The following CLEC4A variants were observed in gnomAD, a reference collection of about 807,000 sequenced individuals.
The protein encoded by CLEC4A is C-type (calcium dependent, carbohydrate-recognition domain) lectin, superfamily member 6.
Under a neutral mutation model 32.7 loss-of-function variants are expected in CLEC4A, and 27 were observed. The observed-to-expected ratio is 0.83, with a 90% confidence interval of 0.61 to 1.14. CLEC4A has a LOEUF of 1.14. Ranked by LOEUF, CLEC4A falls within the 50% of genes most tolerant of loss-of-function variation. The pLI, the probability that CLEC4A is intolerant of heterozygous loss-of-function variation, is 0.00. For synonymous variants in CLEC4A, 89 were observed against 93.7 expected (o/e 0.95, Z 0.29); for missense variants, 253 against 274.6 (o/e 0.92, Z 0.55).
At chr12:8,129,408 A>G in intron 3 of CLEC4A, 46 bp downstream of exon 3, 1 of 1,187,130 alleles carries the variant, frequency 8.4e-7, no homozygotes, top group Non-Finnish European at 1.2e-6. Flanking sequence ...TGTACTATGT[A>G]AGGATCCCAA....
chr12:8,136,897 G>A lies in CLEC4A; in HGVS notation c.560G>A (p.Ser187Asn), dbSNP rs1317557383. ...QWVDQTPYNE[S>N]STFWHPREPS... ...GTTGATCAGACACCATACAATGAAA[G>A]TTCCACGTGAGTATAGAATGAGATA... The change falls in exon 5 of 6, where the codon AGT (serine) becomes AAT (asparagine). Residue 187 changes from serine to asparagine, a missense_variant. By Grantham distance (46) the Ser-to-Asn change is conservative. Coordinates refer to ENST00000229332, the MANE Select transcript of CLEC4A (RefSeq NM_016184.4). The A allele has an allele frequency of 1.9e-6, 3 of 1,605,812 alleles. No individual in the cohort carries two copies. The highest frequency in any genetic ancestry group is 2.6e-6 in the Non-Finnish European group (3 of 1,172,718).
At chr12:8,134,629 A>G (rs1459781702) in intron 3 of CLEC4A, 5 of 1,609,366 alleles carry the variant, frequency 3.1e-6, no homozygotes, top group Non-Finnish European at 3.4e-6. Flanking sequence ...GGCCCACAGT[A>G]CGCCATCCCC....
chr12:8,115,098 C>CT, the CLEC4A span, among the ~76,000 whole-genome samples: 1 of 152,188 alleles, frequency 6.6e-6, no homozygotes, highest in Admixed American at 6.5e-5. Flanking sequence ...TGCAGACTGT[C>CT]TGTCTACCTG....
At chr12:8,111,505 C>T in the CLEC4A span, among the ~76,000 whole-genome samples, 19 of 152,226 alleles carry the variant, frequency 1.2e-4, no homozygotes, top group African/African-American at 4.3e-4. Context: ...AAAGCATTCT[C>T]TCTCTGTGTG....
the CLEC4A span, among the ~76,000 whole-genome samples, chr12:8,103,514 T>C: frequency 1.3e-5 from 2 of 150,616 alleles, no homozygotes; most frequent in Non-Finnish European, 3.0e-5. Flanking sequence ...GCCTCCCGAG[T>C]AGCTGGGACT....
chr12:8,135,566 G>A lies in CLEC4A; in HGVS notation c.299-19G>A. 1 of 1,613,026 alleles carries A rather than the reference G, an allele frequency of 6.2e-7. No individual in the cohort carries two copies. Among genetic ancestry groups the A allele is most frequent in the Non-Finnish European group, 8.5e-7 (1 of 1,179,308 alleles). On this transcript the variant is annotated intron_variant, in intron 3 of 5. Transcript: ENST00000229332. ...GTGATTATTTATATTGCACGTATGT[G>A]CCCCTCTTCCCAATACAGAGACAGC...
At chr12:8,103,210 A>G in the CLEC4A span, among the ~76,000 whole-genome samples, 1 of 152,036 alleles carries the variant, frequency 6.6e-6, no homozygotes, top group Admixed American at 6.6e-5. Context: ...TTTGTGAAAC[A>G]AAGCTCTGCT....
At chr12:8,109,051 C>T in the CLEC4A span, among the ~76,000 whole-genome samples, 30 of 152,178 alleles carry the variant, frequency 2.0e-4, no homozygotes, top group African/African-American at 7.0e-4. Flanking sequence ...TGCTCAGACT[C>T]CTGGTGGCAG....
intron 3 of CLEC4A, chr12:8,134,977 TTGTTTTTTG>T (rs1307754585): frequency 1.6e-5 from 5 of 303,458 alleles, no homozygotes; most frequent in Non-Finnish European, 2.5e-5. Flanking sequence ...TGAAGCGTTT[TTGTTTTTTG>T]TTTTTTTTTA....
At chr12:8,128,412 CT>C (rs71042335) in intron 2 of CLEC4A, among the ~76,000 whole-genome samples, 104,302 of 134,362 alleles carry the variant, frequency 0.78, 41,621 homozygotes, top group East Asian at 0.91. Flanking sequence ...AGTTCAATTT[CT>C]TTTTTTTTTT....
At chr12:8,107,771 CT>C in the CLEC4A span, among the ~76,000 whole-genome samples, 16,720 of 140,072 alleles carry the variant, frequency 0.12, 1,272 homozygotes, top group East Asian at 0.42. Flanking sequence ...CGATCTTCTG[CT>C]TTTTTTTTTT....
At position 8,123,751 on chromosome 12, in the gene CLEC4A, C is replaced by G; in HGVS notation, c.-128C>G. On this transcript the variant is annotated 5_prime_UTR_variant, in exon 1 of 6. Transcript: ENST00000229332. Reference sequence around the variant, plus strand: ...TTGAGGATATGTGCCTATCTGGTGCCTCTGCTCTCCACTAGTTGAGTGAAA... The same window carrying G: ...TTGAGGATATGTGCCTATCTGGTGCGTCTGCTCTCCACTAGTTGAGTGAAA... 1 of 653,564 alleles carries G rather than the reference C, an allele frequency of 1.5e-6. No homozygotes were observed. The highest frequency in any genetic ancestry group is 2.7e-6 in the Non-Finnish European group (1 of 363,998). The allele number at this position is 653,564 out of a possible 1,614,324, so 40.5% of individuals were successfully genotyped here.
upstream of CLEC4A, among the ~76,000 whole-genome samples, chr12:8,120,660 A>G (rs1225400422): frequency 1.6e-5 from 2 of 121,592 alleles, no homozygotes; most frequent in East Asian, 4.6e-4. Flanking sequence ...AAATAAATGT[A>G]AATAGATGTT....
the CLEC4A span, among the ~76,000 whole-genome samples, chr12:8,113,046 C>T: frequency 3.3e-5 from 5 of 151,950 alleles, no homozygotes; most frequent in Admixed American, 6.5e-5. Flanking sequence ...ATACATGTGA[C>T]ATGTTGGTGT....
chr12:8,134,979 G>GTTTGTTTTTT lies in CLEC4A; in HGVS notation c.299-603_299-602insGTTTTTTTTT, dbSNP rs1948073595. 3.2e-4 allele frequency: 53 copies of GTTTGTTTTTT among 165,986 alleles called. 2 individuals are homozygous for GTTTGTTTTTT. Among genetic ancestry groups the GTTTGTTTTTT allele is most frequent in the Admixed American group, 2.5e-4 (1 of 3,956 alleles). The allele number at this position is 165,986 out of a possible 1,614,324, so 10.3% of individuals were successfully genotyped here. A position where few individuals can be genotyped will look rare whatever the true frequency, so the allele number is the denominator to read the frequency against. ...TGTATCTTCTTGTTGAAGCGTTTTT[G>GTTTGTTTTTT]TTTTTTGTTTTTTTTTAATCATGGC... On this transcript the variant is annotated intron_variant, in intron 3 of 5. Coordinates refer to ENST00000229332, the MANE Select transcript of CLEC4A (RefSeq NM_016184.4).
intron 4 of CLEC4A, 71 bp downstream of exon 4, chr12:8,135,807 G>A (rs17728942): frequency 0.14 from 207,037 of 1,515,096 alleles, 15,843 homozygotes; most frequent in Non-Finnish European, 0.16. Flanking sequence ...CTAAGAAGGA[G>A]GTTTTTGTTA....
At chr12:8,112,142 A>G in the CLEC4A span, among the ~76,000 whole-genome samples, 3 of 151,798 alleles carry the variant, frequency 2.0e-5, no homozygotes, top group African/African-American at 7.3e-5. Flanking sequence ...CTAATTTTGT[A>G]TTTTTAGTAG....
chr12:8,134,038 A>G, intron 3 of CLEC4A: 2 of 1,599,318 alleles, frequency 1.3e-6, no homozygotes, highest in Non-Finnish European at 1.7e-6. Flanking sequence ...CTCGGACCAC[A>G]TCCTTCTCCA....
chr12:8,134,661 G>T (rs1164680543), intron 3 of CLEC4A: 3 of 1,589,416 alleles, frequency 1.9e-6, no homozygotes, highest in Non-Finnish European at 2.6e-6. Flanking sequence ...ATACGGCGGG[G>T]GACATGGGGG....
Sources: gnomAD v4.1 joint callset for allele counts (sites outside exome capture counted in the v4.1 genomes callset) on GRCh38, gnomAD v4.1.1 for gene constraint, MANE v1.5 for transcripts, NCBI Gene and HGNC (gene_info 2026-07-23, HGNC 2026-07-21) for gene names.